PEG3: variants seen among roughly 807,000 people sequenced by gnomAD.
PEG3 encodes paternally-expressed gene 3 protein.
PEG3 carries 23 observed loss-of-function variants against 35.5 expected under a neutral mutation model. That is an observed-to-expected ratio of 0.65 (90% CI 0.47 to 0.92). The LOEUF (loss-of-function observed/expected upper bound fraction) is 0.92, where lower values mean the gene tolerates loss of function less well. PEG3 is among the 40% of genes least tolerant of loss of function. PEG3 has a pLI of 0.00. For synonymous variants in PEG3, 707 were observed against 697.0 expected, an observed-to-expected ratio of 1.01 and a Z score of -0.23; for missense variants, 1,960 against 1,985.3, an observed-to-expected ratio of 0.99 and a Z score of 0.24.
intron 1 of PEG3, among the ~76,000 whole-genome samples, chr19:56,836,453 C>T (rs1029197361): frequency 3.3e-5 from 5 of 152,138 alleles, no homozygotes; most frequent in African/African-American, 1.2e-4. Flanking sequence ...GCTATCCTAT[C>T]GTTATTATTA....
At chr19:56,823,798 T>A in intron 4 of PEG3, 119 bp from the exon 5 acceptor site, 1 of 1,208,354 alleles carries the variant, frequency 8.3e-7, no homozygotes, top group Non-Finnish European at 1.2e-6. Flanking sequence ...GACCTGATCC[T>A]GACATTTCTG....
At position 56,814,181 on chromosome 19, in the gene PEG3, C is replaced by CCACT; in HGVS notation, c.4260_4261insAGTG (p.Glu1421SerfsTer4). 1 of 1,614,112 alleles carries CCACT rather than the reference C, an allele frequency of 6.2e-7. No individual in the cohort carries two copies. Among genetic ancestry groups the CCACT allele is most frequent in the Non-Finnish European group, 8.5e-7 (1 of 1,180,036 alleles). On this transcript the variant is annotated frameshift_variant, in exon 10 of 10. Transcript: ENST00000326441. LOFTEE classifies it low-confidence loss of function (END_TRUNC). The surrounding 1 kb of genome is among the most constrained non-coding windows in gnomAD (Gnocchi z 5.8). ...GCCTCTCCATCTGGCCCTTCAGCCT[C>CCACT]TCCGTTTGGCTCAGCAGCCTCCACT...
At chr19:56,820,610 G>A (rs981080176) in intron 7 of PEG3, among the ~76,000 whole-genome samples, 3 of 152,004 alleles carry the variant, frequency 2.0e-5, no homozygotes, top group Non-Finnish European at 2.9e-5. Context: ...CTGACCCGGC[G>A]TGCTCCTGGC....
At chr19:56,817,929 A>G (rs2060131017) in intron 8 of PEG3, 94 bp from the exon 9 acceptor site, 3 of 960,706 alleles carry the variant, frequency 3.1e-6, no homozygotes, top group Admixed American at 4.1e-5. Context: ...CTGAGCCACT[A>G]AATATGAGGT....
chr19:56,812,320 C>T lies in PEG3; in HGVS notation c.*1355G>A, dbSNP rs1351973764. ...TAGATGAACACAACACTCAGAAATA[C>T]TCTAGGAGAGCTGAAAAAGAAGGAA... On this transcript the variant is annotated 3_prime_UTR_variant, in exon 10 of 10. Coordinates refer to ENST00000326441, the MANE Select transcript of PEG3 (RefSeq NM_006210.3). The T allele has an allele frequency of 2.0e-6, 2 of 982,202 alleles. No individual in the cohort carries two copies. The highest frequency in any genetic ancestry group is 2.4e-6 in the Non-Finnish European group (2 of 827,404). The allele number at this position is 982,202 out of a possible 1,614,324, so 60.8% of individuals were successfully genotyped here. A position where few individuals can be genotyped will look rare whatever the true frequency, so the allele number is the denominator to read the frequency against.
chr19:56,833,424 C>T (rs753553562), intron 2 of PEG3: 9 of 336,712 alleles, frequency 2.7e-5, no homozygotes, highest in Non-Finnish European at 5.3e-5. Flanking sequence ...CCTCTCTCTG[C>T]AGACCGACAT....
In PEG3 at chr19:56,812,168, A is replaced by C; in HGVS notation, c.*1507T>G. On this transcript the variant is annotated 3_prime_UTR_variant, in exon 10 of 10. Coordinates refer to ENST00000326441, the MANE Select transcript of PEG3 (RefSeq NM_006210.3). Reference sequence around the variant, plus strand: ...TTTTTTTCCAGCCAACTCAAGGCCAAAAAAAATTTCTTAATATAGTTATTA... The same window carrying C: ...TTTTTTTCCAGCCAACTCAAGGCCACAAAAAATTTCTTAATATAGTTATTA... The C allele has an allele frequency of 8.2e-6, 8 of 978,174 alleles. No individual in the cohort carries two copies. Among genetic ancestry groups the C allele is most frequent in the Non-Finnish European group, 9.7e-6 (8 of 823,508 alleles). The allele number at this position is 978,174 out of a possible 1,614,324, so 60.6% of individuals were successfully genotyped here. A position where few individuals can be genotyped will look rare whatever the true frequency, so the allele number is the denominator to read the frequency against.
At position 56,836,063 on chromosome 19, in the gene PEG3, G is replaced by T. The variant is rs778011229; in HGVS notation, c.-208C>A. ...TTTGGACCTAGTCCCTCTTCCTCTC[G>T]CCAGTCGTCTCCAAGAAGGACGGAA... On this transcript the variant is annotated 5_prime_UTR_variant, in exon 2 of 10. Transcript: ENST00000326441. The T allele has an allele frequency of 1.4e-5, 7 of 506,302 alleles. No individual in the cohort carries two copies. Among genetic ancestry groups the T allele is most frequent in the Non-Finnish European group, 2.4e-5 (6 of 253,820 alleles). The allele number at this position is 506,302 out of a possible 1,614,324, so 31.4% of individuals were successfully genotyped here. A position where few individuals can be genotyped will look rare whatever the true frequency, so the allele number is the denominator to read the frequency against.
chr19:56,833,231 T>G, intron 2 of PEG3: 1 of 500,836 alleles, frequency 2.0e-6, no homozygotes, highest in Non-Finnish European at 4.0e-6. Context: ...TTCTATTTAC[T>G]TACTTTGGTC....
intron 2 of PEG3, among the ~76,000 whole-genome samples, chr19:56,828,956 A>C (rs1355660690): frequency 1.3e-5 from 2 of 152,184 alleles, no homozygotes; most frequent in Non-Finnish European, 2.9e-5. Context: ...CCACTGTTTA[A>C]AGATACTAAA....
intron 2 of PEG3, among the ~76,000 whole-genome samples, chr19:56,832,323 C>T (rs1424299915): frequency 6.6e-6 from 1 of 152,164 alleles, no homozygotes; most frequent in Non-Finnish European, 1.5e-5. Context: ...TAAGCACTCC[C>T]ACCGACAGTA....
At chr19:56,832,352 T>A (rs12462612) in intron 2 of PEG3, among the ~76,000 whole-genome samples, 13,180 of 152,012 alleles carry the variant, frequency 0.087, 726 homozygotes, top group Admixed American at 0.16. Context: ...TCACCATCTG[T>A]ACCTCCCCTC....
At position 56,816,095 on chromosome 19, in the gene PEG3, C is replaced by G. The variant is rs2870476; in HGVS notation, c.2347G>C (p.Ala783Pro). 1 of 1,609,120 alleles carries G rather than the reference C, an allele frequency of 6.2e-7. No individual in the cohort carries two copies. The highest frequency in any genetic ancestry group is 8.5e-7 in the Non-Finnish European group (1 of 1,177,092). The part of the protein sequence containing the change: ...SYERSVIHSL[A>P]SVEAQKSHSV... ...TGACTTTTCTGAGCTTCCACAGAGG[C>G]TAAGCTATGAATAACAGACCTCTCA... Residue 783 changes from alanine (A) to proline (P), a missense_variant, in exon 10 of 10, where the codon GCC becomes CCC. Transcript: ENST00000326441.
intron 1 of PEG3, among the ~76,000 whole-genome samples, chr19:56,837,856 A>C (rs985616828): frequency 6.6e-6 from 1 of 152,180 alleles, no homozygotes; most frequent in Non-Finnish European, 1.5e-5. Context: ...ACGTGGTACT[A>C]GGATGGACGG....
chr19:56,833,247 C>G lies in PEG3; in HGVS notation c.-163+2771G>C, dbSNP rs76508427. 2.2e-3 allele frequency: 1,043 copies of G among 482,666 alleles called. 11 individuals are homozygous for G. In the East Asian group the frequency reaches 0.04, roughly 19 times the overall value. 29.9% of individuals were successfully genotyped at this position (482,666 alleles called of 1,614,324 possible). A position where few individuals can be genotyped will look rare whatever the true frequency, so the allele number is the denominator to read the frequency against. On this transcript the variant is annotated intron_variant, in intron 2 of 9. Transcript: ENST00000326441. ...TCTATTTACTTACTTTGGTCCCTCA[C>G]CATGGTGCACCTAGATTCAGCCCCC...
rs200146387 is a variant in PEG3 at position 56,818,670 on chromosome 19, G to A, written c.702C>T (p.Leu234=). 23 of 1,614,016 alleles carry A rather than the reference G, an allele frequency of 1.4e-5. No homozygotes were observed. Among genetic ancestry groups the A allele is most frequent in the East Asian group, 4.5e-5 (2 of 44,882 alleles). Residue 234 remains leucine, a synonymous_variant, in exon 8 of 10, where the codon CTC becomes CTT. Coordinates refer to ENST00000326441, the MANE Select transcript of PEG3 (RefSeq NM_006210.3). Reference sequence around the variant, plus strand: ...TGTTGTGAGGTTTCCTGTCCTCAGCGAGGTCCACCACATTTTGGTATGATT... The same window carrying A: ...TGTTGTGAGGTTTCCTGTCCTCAGCAAGGTCCACCACATTTTGGTATGATT... ...DAESYQNVVD[L]AEDRKPHNTI...
chr19:56,818,820 A>T, intron 7 of PEG3, 118 bp from the exon 8 acceptor site: 1 of 1,182,218 alleles, frequency 8.5e-7, no homozygotes, highest in Non-Finnish European at 1.2e-6. Context: ...TGCTCACGGT[A>T]TTGGGGTTCT....
At chr19:56,827,309 A>G (rs949487834) in intron 2 of PEG3, among the ~76,000 whole-genome samples, 1 of 152,156 alleles carries the variant, frequency 6.6e-6, no homozygotes, top group Non-Finnish European at 1.5e-5. Context: ...AACATACACA[A>G]TCTTCCCTTA....
Position 56,815,295 on chromosome 19 carries a change from GT to G in PEG3, c.3146del (p.Asn1049ThrfsTer96). ...FFATSEDLNTNQKIYDQEKSH... is the reference protein window; with the variant it reads ...FFATSEDLNTXQKIYDQEKSH... ...ACTTCTCTTGGTCATAGATTTTCTG[GT>G]TTGTGTTGAGGTCTTCGCTGGTAGC... On this transcript the variant is annotated frameshift_variant, in exon 10 of 10. Coordinates refer to ENST00000326441, the MANE Select transcript of PEG3 (RefSeq NM_006210.3). LOFTEE classifies it low-confidence loss of function (END_TRUNC). 6.2e-7 allele frequency: 1 copy of G among 1,614,208 alleles called. No homozygotes were observed. The highest frequency in any genetic ancestry group is 8.5e-7 in the Non-Finnish European group (1 of 1,180,034).
Sources: gnomAD v4.1 joint callset for allele counts (sites outside exome capture counted in the v4.1 genomes callset) on GRCh38, gnomAD v4.1.1 for gene constraint, Gnocchi (gnomAD v3.1) non-coding constraint, MANE v1.5 for transcripts, NCBI Gene and HGNC (gene_info 2026-07-23, HGNC 2026-07-21) for gene names.